KMT2E: variants seen among roughly 807,000 people sequenced by gnomAD.
KMT2E encodes the protein histone reader KMT2E.
KMT2E carries 30 observed loss-of-function variants against 184.6 expected under a neutral mutation model. The ratio of observed to expected loss-of-function variants is 0.16; its 90% CI spans 0.12 to 0.22. KMT2E has a LOEUF of 0.22. KMT2E is among the 10% of genes least tolerant of loss of function. The probability of loss-of-function intolerance (pLI) is 1.00; values close to 1 mark genes in which losing one functional copy is unlikely to be tolerated. For synonymous variants in KMT2E, 815 were observed against 776.5 expected, an observed-to-expected ratio of 1.05 and a Z score of -0.82; for missense variants, 2,023 against 2,237.4, an observed-to-expected ratio of 0.90 and a Z score of 1.93.
At chr7:105,021,173 A>G (rs1584685428) in intron 1 of KMT2E, among the ~76,000 whole-genome samples, 1 of 152,218 alleles carries the variant, frequency 6.6e-6, no homozygotes, top group Non-Finnish European at 1.5e-5. Flanking sequence ...TCCAGTAGCC[A>G]TAAATAGGGG....
intron 1 of KMT2E, among the ~76,000 whole-genome samples, chr7:105,023,378 G>A (rs1447653641): frequency 7.4e-6 from 1 of 134,978 alleles, no homozygotes; most frequent in Non-Finnish European, 1.5e-5. Context: ...CTCCAGCCTG[G>A]GTGACAAGAG....
chr7:105,059,989 T>TG (rs1357298202), intron 3 of KMT2E, among the ~76,000 whole-genome samples: 33 of 65,772 alleles, frequency 5.0e-4, no homozygotes, highest in Admixed American at 2.6e-3. Context: ...TTTTTTTTTT[T>TG]TTTTTTTTTT....
rs1799407869 is a variant in KMT2E at position 105,113,206 on chromosome 7, C to T, written c.5450C>T (p.Ser1817Phe). 6.2e-7 allele frequency: 1 copy of T among 1,614,224 alleles called. No homozygotes were observed. Among genetic ancestry groups the T allele is most frequent in the Non-Finnish European group, 8.5e-7 (1 of 1,180,034 alleles). ...TASGFCPHPG[S>F]VALPHGVQGP... ...TCAGGGTTCTGTCCTCATCCTGGCT[C>T]TGTGGCCCTGCCACATGGGGTTCAA... The change falls in exon 27 of 27, where the codon TCT becomes TTT. Residue 1817 changes from serine (S) to phenylalanine (F), a missense_variant. By Grantham distance (155) the Ser-to-Phe change is radical. Around this residue, in one of 8 missense-constraint regions of KMT2E, gnomAD observed 1,108 missense variants for 1,050.9 expected, o/e 1.05. Coordinates refer to ENST00000311117, the MANE Select transcript of KMT2E (RefSeq NM_182931.3).
At chr7:105,057,104 C>G (rs1173405387) in intron 3 of KMT2E, among the ~76,000 whole-genome samples, 2 of 152,088 alleles carry the variant, frequency 1.3e-5, no homozygotes, top group African/African-American at 2.4e-5. Flanking sequence ...AGAAAGGACT[C>G]TTAAGAATAC....
chr7:105,111,822 T>C lies in KMT2E; in HGVS notation c.4069-3T>C. On this transcript the variant is annotated splice_polypyrimidine_tract_variant and splice_region_variant and intron_variant, in intron 26 of 26. Transcript: ENST00000311117. ...ATGTATATAATTTGTTTTCTCTTCA[T>C]AGCCTGGTTCACCTGGATCTGTAAT... 1.9e-6 allele frequency: 3 copies of C among 1,606,274 alleles called. No homozygotes were observed. Among genetic ancestry groups the C allele is most frequent in the Non-Finnish European group, 2.5e-6 (3 of 1,176,856 alleles).
chr7:105,032,511 T>A (rs1193595738), intron 1 of KMT2E, among the ~76,000 whole-genome samples: 1 of 152,062 alleles, frequency 6.6e-6, no homozygotes, highest in Non-Finnish European at 1.5e-5. Context: ...TACTTATTTA[T>A]TTTTTTTAGA....
intron 5 of KMT2E, among the ~76,000 whole-genome samples, chr7:105,066,172 C>T (rs1562902553): frequency 6.6e-6 from 1 of 152,054 alleles, no homozygotes; most frequent in African/African-American, 2.4e-5. Context: ...TACCTGTTGA[C>T]AGAGGAAATT....
rs193092945 is a variant in KMT2E, at chr7:105,090,168, T to C, written c.1518T>C (p.Asn506=). 438 of 1,612,996 alleles carry C rather than the reference T, an allele frequency of 2.7e-4. 7 individuals carry two copies. The Admixed American group carries it at 7.2e-3, about 26-fold the overall frequency. Residue 506 remains asparagine (N), a synonymous_variant, in exon 14 of 27, where the codon AAT becomes AAC. Transcript: ENST00000311117. ...TTTCAAAAGAAAAAGATACACAAAA[T>C]CAGAATATTACTTTGGATTGTGAAG... ...KDISKEKDTQ[N]QNITLDCEGT...
intron 3 of KMT2E, among the ~76,000 whole-genome samples, chr7:105,060,119 C>A (rs1172564182): frequency 6.7e-6 from 1 of 150,052 alleles, no homozygotes; most frequent in Admixed American, 6.7e-5. Context: ...CCTCAGCCCC[C>A]AAGTAGCTGG....
chr7:105,101,837 TTATA>T, intron 16 of KMT2E, 45 bp from the exon 17 acceptor site: 1 of 1,382,066 alleles, frequency 7.2e-7, no homozygotes, highest in Non-Finnish European at 9.8e-7. Context: ...TATTTAAACT[TTATA>T]TATATGTAGT....
chr7:105,101,694 T>A (rs1191216982), intron 16 of KMT2E, 105 bp downstream of exon 16: 1 of 1,050,396 alleles, frequency 9.5e-7, no homozygotes, highest in Non-Finnish European at 1.3e-6. Flanking sequence ...CTATTAGCTT[T>A]TTAATAGCAT....
intron 6 of KMT2E, among the ~76,000 whole-genome samples, chr7:105,071,536 G>A (rs1797289837): frequency 7.6e-6 from 1 of 131,482 alleles, no homozygotes; most frequent in Non-Finnish European, 1.6e-5. Flanking sequence ...CTGCTAATTT[G>A]TGTGTGTATG....
intron 22 of KMT2E, 35 bp downstream of exon 22, chr7:105,107,960 GTTT>G (rs34102092): frequency 4.4e-5 from 52 of 1,170,590 alleles, no homozygotes; most frequent in East Asian, 5.4e-5. Flanking sequence ...CCTTTTAATA[GTTT>G]TTTTTTTTTT....
At chr7:105,051,271 C>T (rs765479991) in intron 3 of KMT2E, among the ~76,000 whole-genome samples, 8 of 151,332 alleles carry the variant, frequency 5.3e-5, no homozygotes, top group African/African-American at 1.2e-4. Flanking sequence ...CTGCAACCTC[C>T]GCTTTCGAGG....
rs1375301040 is a variant in KMT2E at position 105,023,425 on chromosome 7, G to A, written c.-189+8890G>A. On this transcript the variant is annotated intron_variant, in intron 1 of 26. Transcript: ENST00000311117. ...CTCAAAAAAAAAAAAAAAAAAAAGA[G>A]AGACAAAAATTCATTAAGCAATTTT... Among the ~76,000 whole-genome samples, 273 of 123,644 alleles carry A rather than the reference G, an allele frequency of 2.2e-3. 2 individuals are homozygous for A. Among genetic ancestry groups the A allele is most frequent in the African/African-American group, 8.9e-3 (254 of 28,584 alleles). The allele number at this position is 123,644 out of a possible 152,430, so 81.1% of individuals were successfully genotyped here.
At chr7:105,043,458 G>C (rs567579407) in intron 3 of KMT2E, among the ~76,000 whole-genome samples, 83 of 151,748 alleles carry the variant, frequency 5.5e-4, no homozygotes, top group Middle Eastern at 3.4e-3. Context: ...GGATGGTCTC[G>C]ATCTCCTGAC....
chr7:105,027,521 A>G (rs979254671), intron 1 of KMT2E, among the ~76,000 whole-genome samples: 3 of 152,126 alleles, frequency 2.0e-5, no homozygotes, highest in African/African-American at 7.3e-5. Flanking sequence ...GCTACTCTAA[A>G]AGCTCATGTG....
In KMT2E at chr7:105,114,760, C is replaced by T. The variant is rs556946935; in HGVS notation, c.*1427C>T. ...AGTCATGTTTTTACACTTTGAACCT[C>T]TATTTATTTCCTTTTGAAAATTAGC... On this transcript the variant is annotated 3_prime_UTR_variant, in exon 27 of 27. Coordinates refer to ENST00000311117, the MANE Select transcript of KMT2E (RefSeq NM_182931.3). 4.9e-4 allele frequency among the ~76,000 whole-genome samples: 74 copies of T among 152,278 alleles called. No homozygotes were observed. Among genetic ancestry groups the T allele is most frequent in the Middle Eastern group, 6.8e-3 (2 of 294 alleles).
rs534868339 is a variant in KMT2E at position 105,044,784 on chromosome 7, C to T, written c.71+3761C>T. ...GTCAATAAATTGCCCTCTGAAGATCCACTATCACCGATTCTAGGCCAGGAG... is the reference window on the plus strand; with the variant it reads ...GTCAATAAATTGCCCTCTGAAGATCTACTATCACCGATTCTAGGCCAGGAG... On this transcript the variant is annotated intron_variant, in intron 3 of 26. Transcript: ENST00000311117. Among the ~76,000 whole-genome samples the T allele has an allele frequency of 2.0e-5, 3 of 152,188 alleles. No homozygotes were observed. The South Asian group carries it at 6.2e-4, about 32-fold the overall frequency.
Sources: allele counts gnomAD v4.1 joint callset (sites outside exome capture counted in the v4.1 genomes callset), GRCh38; gene constraint gnomAD v4.1.1; regional missense constraint gnomAD v4.1.1; transcripts MANE v1.5; gene names NCBI Gene and HGNC (gene_info 2026-07-23, HGNC 2026-07-21).